SEPTIN14: variants seen among roughly 807,000 people sequenced by gnomAD.
The protein encoded by SEPTIN14 is septin 14.
A neutral mutation model predicts 53.6 loss-of-function variants in SEPTIN14; 40 were observed. That is an observed-to-expected ratio of 0.75 (90% CI 0.58 to 0.97). The LOEUF (loss-of-function observed/expected upper bound fraction) is 0.97. SEPTIN14 is among the 50% of genes least tolerant of loss of function. The pLI is 0.00. For missense variants in SEPTIN14, 471 were observed against 508.2 expected (o/e 0.93, Z 0.70); for synonymous variants, 138 against 166.8 (o/e 0.83, Z 1.33).
chr7:55,837,242 A>G (rs556177325), intron 5 of SEPTIN14, among the ~76,000 whole-genome samples: 33 of 151,740 alleles, frequency 2.2e-4, no homozygotes, highest in Non-Finnish European at 3.8e-4. Flanking sequence ...CAGCCTCCTG[A>G]GTAGCTGGAA....
At chr7:55,833,639 T>C (rs1161514131) in intron 6 of SEPTIN14, among the ~76,000 whole-genome samples, 2 of 150,340 alleles carry the variant, frequency 1.3e-5, no homozygotes, top group Non-Finnish European at 3.0e-5. Context: ...AGCCGGGAGA[T>C]AGATCTTACA....
chr7:55,849,602 C>T (rs1193688833), intron 2 of SEPTIN14, among the ~76,000 whole-genome samples: 1 of 151,774 alleles, frequency 6.6e-6, no homozygotes, highest in Non-Finnish European at 1.5e-5. Flanking sequence ...AAAAATTAGC[C>T]GGGCATGGTG....
At chr7:55,825,557 C>G (rs1788967985) in intron 6 of SEPTIN14, among the ~76,000 whole-genome samples, 1 of 152,116 alleles carries the variant, frequency 6.6e-6, no homozygotes, top group African/African-American at 2.4e-5. Context: ...ACACTTAATG[C>G]AGGATGTTAA....
Position 55,809,418 on chromosome 7 carries a change from C to T in SEPTIN14, c.818-2160G>A, listed in dbSNP as rs554215827. ...TTGCTGAGGCTGGAGTGCAATGGCA[C>T]GATCTCGGCTCACTGCAACCTGCAC... On this transcript the variant is annotated intron_variant, in intron 7 of 9. Coordinates refer to ENST00000388975, the MANE Select transcript of SEPTIN14 (RefSeq NM_207366.3). Among the ~76,000 whole-genome samples, 9 of 148,630 alleles carry T rather than the reference C, an allele frequency of 6.1e-5. No individual in the cohort carries two copies. The South Asian group carries it at 1.3e-3, about 21-fold the overall frequency.
chr7:55,848,708 C>T (rs1264737969), intron 2 of SEPTIN14, among the ~76,000 whole-genome samples: 2 of 150,944 alleles, frequency 1.3e-5, no homozygotes, highest in Admixed American at 6.6e-5. Context: ...CCCGGGTTCA[C>T]GCCATTCTCC....
intron 7 of SEPTIN14, among the ~76,000 whole-genome samples, chr7:55,807,674 C>T (rs1240125085): frequency 4.6e-5 from 7 of 152,036 alleles, no homozygotes; most frequent in African/African-American, 1.7e-4. Flanking sequence ...AAAGGCCTTA[C>T]AATTGAAAAT....
chr7:55,813,973 C>T (rs10233558), intron 7 of SEPTIN14, among the ~76,000 whole-genome samples: 31,371 of 152,118 alleles, frequency 0.21, 4,239 homozygotes, highest in East Asian at 0.43. Context: ...ACAGTACCAG[C>T]TGTGATGGCC....
intron 2 of SEPTIN14, among the ~76,000 whole-genome samples, chr7:55,857,394 A>T (rs1004236647): frequency 7.1e-5 from 9 of 127,652 alleles, no homozygotes; most frequent in Non-Finnish European, 1.3e-4. Context: ...AAAAGGAAAA[A>T]AGAGAAGAGA....
rs11980400 is a variant in SEPTIN14 at position 55,855,057 on chromosome 7, G to A, written c.54+6886C>T. 4.8e-3 allele frequency among the ~76,000 whole-genome samples: 710 copies of A among 149,404 alleles called. 7 individuals carry two copies. Among genetic ancestry groups the A allele is most frequent in the African/African-American group, 0.016 (665 of 40,490 alleles). ...AGAGTCTCGCTCTTTCGCCCAGGCC[G>A]GAGTGCAGTGGCACTATCTCGGCTC... On this transcript the variant is annotated intron_variant, in intron 2 of 9. Coordinates refer to ENST00000388975, the MANE Select transcript of SEPTIN14 (RefSeq NM_207366.3).
intron 2 of SEPTIN14, among the ~76,000 whole-genome samples, chr7:55,851,407 T>G (rs1300989727): frequency 6.8e-6 from 1 of 146,122 alleles, no homozygotes; most frequent in Non-Finnish European, 1.5e-5. Context: ...GAAATCATAC[T>G]GCATGGAGTT....
At chr7:55,846,699 A>C in intron 2 of SEPTIN14, 62 bp from the exon 3 acceptor site, 2 of 886,264 alleles carry the variant, frequency 2.3e-6, no homozygotes, top group South Asian at 1.6e-5. Context: ...ATTTGAAAGG[A>C]AAATGATTAT....
chr7:55,846,065 G>GTATGTATATATATATA (rs1216410367), intron 3 of SEPTIN14, among the ~76,000 whole-genome samples: 2 of 39,758 alleles, frequency 5.0e-5, no homozygotes, highest in Non-Finnish European at 1.1e-4. Flanking sequence ...AAAAAAAAAA[G>GTATGTATATATATATA]TATATATATA....
chr7:55,837,112 T>C (rs1215106074), intron 5 of SEPTIN14, among the ~76,000 whole-genome samples: 1 of 150,538 alleles, frequency 6.6e-6, no homozygotes, highest in African/African-American at 2.4e-5. Flanking sequence ...TTTTAACCTT[T>C]TTTTTTTTTT....
At position 55,834,603 on chromosome 7, in the gene SEPTIN14, C is replaced by A; in HGVS notation, c.559-17G>T. 1.9e-6 allele frequency: 3 copies of A among 1,564,260 alleles called. No individual in the cohort carries two copies. In the South Asian group the frequency reaches 3.5e-5, roughly 18 times the overall value. On this transcript the variant is annotated splice_polypyrimidine_tract_variant and intron_variant, in intron 5 of 9. Transcript: ENST00000388975. Reference sequence around the variant, plus strand: ...AATATTCACCTATGAAGAAAGAAGACAAACAAAATCTCATCATTGTTCATC... The same window carrying A: ...AATATTCACCTATGAAGAAAGAAGAAAAACAAAATCTCATCATTGTTCATC...
chr7:55,817,877 T>C (rs1322396330), intron 7 of SEPTIN14, among the ~76,000 whole-genome samples: 1 of 152,194 alleles, frequency 6.6e-6, no homozygotes, highest in Non-Finnish European at 1.5e-5. Flanking sequence ...TCCCACAATG[T>C]ATATGTATTT....
At chr7:55,796,390 G>A (rs1008330254) in intron 9 of SEPTIN14, among the ~76,000 whole-genome samples, 1 of 152,142 alleles carries the variant, frequency 6.6e-6, no homozygotes, top group East Asian at 1.9e-4. Context: ...AGCCTCCCGA[G>A]AAGCTGGGAC....
chr7:55,850,352 C>T (rs1465957929), intron 2 of SEPTIN14, among the ~76,000 whole-genome samples: 2 of 152,068 alleles, frequency 1.3e-5, no homozygotes, highest in Non-Finnish European at 2.9e-5. Flanking sequence ...TGCCTGTAAT[C>T]CCAGCTACCT....
intron 7 of SEPTIN14, among the ~76,000 whole-genome samples, chr7:55,816,097 C>T (rs1788785671): frequency 6.6e-6 from 1 of 152,120 alleles, no homozygotes; most frequent in Non-Finnish European, 1.5e-5. Flanking sequence ...AAGCAAGACA[C>T]AGGAAGACAA....
chr7:55,811,408 C>G, intron 7 of SEPTIN14: 1 of 475,188 alleles, frequency 2.1e-6, no homozygotes. Context: ...TTTCTAGGAG[C>G]CATGGTGTTG....
Sources: allele counts gnomAD v4.1 joint callset (sites outside exome capture counted in the v4.1 genomes callset), GRCh38; gene constraint gnomAD v4.1.1; transcripts MANE v1.5; gene names NCBI Gene and HGNC (gene_info 2026-07-23, HGNC 2026-07-21).